The following CCM2 variants were observed in gnomAD, a reference collection of about 807,000 sequenced individuals.
CCM2 encodes cerebral cavernous malformations 2 protein.
CCM2 carries 25 observed loss-of-function variants against 44.9 expected under a neutral mutation model. The observed-to-expected ratio is 0.56, with a 90% CI of 0.41 to 0.78. CCM2 has a LOEUF of 0.78. CCM2 is among the 30% of genes least tolerant of loss of function. The pLI is 0.00. For missense variants in CCM2, 481 were observed against 580.6 expected, an observed-to-expected ratio of 0.83 and a Z score of 1.76; for synonymous variants, 219 against 241.1, an observed-to-expected ratio of 0.91 and a Z score of 0.85.
rs746677393 is a variant in CCM2 at position 45,076,019 on chromosome 7, G to C, written c.1297G>C (p.Glu433Gln). The C allele has an allele frequency of 6.2e-7, 1 of 1,612,942 alleles. No individual in the cohort carries two copies. Among genetic ancestry groups the C allele is most frequent in the African/African-American group, 1.3e-5 (1 of 74,916 alleles). ...GATCTCGGACATCAGCAGCGACATT[G>C]AGGCGCTGGGCTGCAGCATGGACCA... ...RMISDISSDI[E>Q]ALGCSMDQDS... Residue 433 changes from glutamate (E) to glutamine (Q), a missense_variant, in exon 10 of 10, where the codon GAG (glutamate) becomes CAG (glutamine). Transcript: ENST00000258781.
intron 1 of CCM2, among the ~76,000 whole-genome samples, chr7:45,018,624 G>A (rs980141390): frequency 6.6e-6 from 1 of 152,104 alleles, no homozygotes; most frequent in Admixed American, 6.6e-5. Context: ...GCCTCCCAAG[G>A]CGTGAGCCAC....
At chr7:45,058,185 C>A (rs1798352455) in intron 2 of CCM2, among the ~76,000 whole-genome samples, 2 of 152,194 alleles carry the variant, frequency 1.3e-5, no homozygotes, top group Non-Finnish European at 2.9e-5. Context: ...TTGTTTCCTT[C>A]TCTTGCATAA....
At chr7:45,045,190 T>TAGAGCA (rs145831443) in intron 2 of CCM2, among the ~76,000 whole-genome samples, 17,255 of 152,166 alleles carry the variant, frequency 0.11, 1,628 homozygotes, top group African/African-American at 0.25. Flanking sequence ...TGACAGCTGA[T>TAGAGCA]AGAGCAATTT....
intron 2 of CCM2, among the ~76,000 whole-genome samples, chr7:45,060,958 G>A (rs570823951): frequency 1.3e-5 from 2 of 152,190 alleles, no homozygotes; most frequent in South Asian, 2.1e-4. Flanking sequence ...GAACTTAGGC[G>A]TCAGGTTAAT....
chr7:45,033,044 CAAAAAAAAAAAAAAAA>C (rs60956411), intron 1 of CCM2, among the ~76,000 whole-genome samples: 1 of 58,062 alleles, frequency 1.7e-5, no homozygotes, highest in Non-Finnish European at 3.0e-5. Flanking sequence ...AACTCCGTCT[CAAAAAAAAAAAAAAAA>C]AAAAAAAAAA....
In CCM2 at chr7:45,075,943, C is replaced by T. The variant is rs778326011; in HGVS notation, c.1221C>T (p.Gly407=). The change falls in exon 10 of 10, where the codon GGC becomes GGT. Residue 407 remains glycine (G), a synonymous_variant. Transcript: ENST00000258781. ...SSTTNGNRAT[G]SSDDRSAPSE... ...CCACCAATGGGAACAGGGCCACGGG[C>T]AGCTCTGATGACCGGTCGGCACCCT... The T allele has an allele frequency of 1.9e-5, 30 of 1,613,094 alleles. No individual in the cohort carries two copies. The South Asian group carries it at 3.3e-4, about 18-fold the overall frequency.
At chr7:45,069,291 G>A (rs1798938446) in intron 5 of CCM2, among the ~76,000 whole-genome samples, 1 of 152,246 alleles carries the variant, frequency 6.6e-6, no homozygotes, top group Non-Finnish European at 1.5e-5. Flanking sequence ...GTAGGGTGTT[G>A]AGCAGCATCC....
chr7:45,045,200 TCTTTAG>T (rs1340514180), intron 2 of CCM2, among the ~76,000 whole-genome samples: 1 of 146,702 alleles, frequency 6.8e-6, no homozygotes, highest in African/African-American at 2.6e-5. Flanking sequence ...TAGAGCAATT[TCTTTAG>T]AGTAGTTTGT....
At position 45,040,080 on chromosome 7, in the gene CCM2, A is replaced by G. The variant is rs1797411803; in HGVS notation, c.204+1654A>G. 2.0e-5 allele frequency among the ~76,000 whole-genome samples: 3 copies of G among 151,742 alleles called. 1 individual carries two copies. In the South Asian group the frequency reaches 6.2e-4, roughly 32 times the overall value. Reference sequence around the variant, plus strand: ...TATTTATATATCTTTAAAAAATTCAATAGAGGTGTTGAAAGATAAAAGTAA... The same window carrying G: ...TATTTATATATCTTTAAAAAATTCAGTAGAGGTGTTGAAAGATAAAAGTAA... On this transcript the variant is annotated intron_variant, in intron 2 of 9. Transcript: ENST00000258781.
Position 45,046,114 on chromosome 7 carries a change from A to G in CCM2, c.204+7688A>G, listed in dbSNP as rs76452465. Among the ~76,000 whole-genome samples the G allele has an allele frequency of 3.9e-5, 6 of 152,338 alleles. No homozygotes were observed. The East Asian group carries it at 1.2e-3, about 29-fold the overall frequency. ...CACAAACTACTACTACAAGTCATCC[A>G]ATATGAAATAATTTGAATAGCTTGT... On this transcript the variant is annotated intron_variant, in intron 2 of 9. Transcript: ENST00000258781.
At chr7:45,059,666 A>C (rs1361577363) in intron 2 of CCM2, among the ~76,000 whole-genome samples, 1 of 151,986 alleles carries the variant, frequency 6.6e-6, no homozygotes, top group East Asian at 1.9e-4. Context: ...TCAGCCTGGG[A>C]GGTTGAGGCT....
intron 9 of CCM2, among the ~76,000 whole-genome samples, chr7:45,075,331 A>C (rs542419304): frequency 2.0e-5 from 3 of 152,368 alleles, no homozygotes; most frequent in Admixed American, 2.0e-4. Context: ...CATGGCAGGG[A>C]AACTGGACTT....
At chr7:45,016,163 G>T (rs992668775) in intron 1 of CCM2, among the ~76,000 whole-genome samples, 1 of 152,206 alleles carries the variant, frequency 6.6e-6, no homozygotes, top group Non-Finnish European at 1.5e-5. Flanking sequence ...CTTTGGCAGA[G>T]CCTGAAAGGT....
At chr7:45,072,992 T>C in intron 7 of CCM2, 1 of 655,892 alleles carries the variant, frequency 1.5e-6, no homozygotes, top group South Asian at 1.7e-5. Context: ...GTCCCTCTTG[T>C]CTCTCCCTGC....
At chr7:45,011,612 C>T (rs1040271416) in intron 1 of CCM2, among the ~76,000 whole-genome samples, 3 of 151,430 alleles carry the variant, frequency 2.0e-5, no homozygotes, top group Non-Finnish European at 4.4e-5. Flanking sequence ...GGTGCAGTGG[C>T]GTGATCTTGG....
rs777930252 is a variant in CCM2 at position 45,068,555 on chromosome 7, G to T, written c.585G>T (p.Leu195=). 1 of 1,614,076 alleles carries T rather than the reference G, an allele frequency of 6.2e-7. No homozygotes were observed. The highest frequency in any genetic ancestry group is 1.1e-5 in the South Asian group (1 of 91,084). ...SAVGPVEACC[L]VILAAESKVA... The stretch of plus-strand genomic sequence containing the variant: ...TTGGGCCCGTGGAGGCATGCTGCCT[G>T]GTCATCCTGGCTGCAGAGAGCAAGG... The change falls in exon 5 of 10, where the codon CTG becomes CTT. Residue 195 remains leucine (L), a synonymous_variant. Transcript: ENST00000258781.
intron 1 of CCM2, among the ~76,000 whole-genome samples, chr7:45,024,355 C>A (rs1274016810): frequency 6.6e-6 from 1 of 152,110 alleles, no homozygotes; most frequent in East Asian, 1.9e-4. Context: ...TAGTCAAGGC[C>A]CAAGAAACAT....
intron 1 of CCM2, among the ~76,000 whole-genome samples, chr7:45,006,580 G>A (rs1795857167): frequency 1.3e-5 from 2 of 152,098 alleles, no homozygotes; most frequent in Non-Finnish European, 2.9e-5. Context: ...TCCTGACTCC[G>A]TGATCCACCC....
intron 1 of CCM2, among the ~76,000 whole-genome samples, chr7:45,020,590 A>G (rs1796444745): frequency 6.6e-6 from 1 of 152,232 alleles, no homozygotes; most frequent in Admixed American, 6.5e-5. Flanking sequence ...CCGAAAATGC[A>G]CTTGCTGGGA....
Sources: gnomAD v4.1 joint callset for allele counts (sites outside exome capture counted in the v4.1 genomes callset) on GRCh38, gnomAD v4.1.1 for gene constraint, MANE v1.5 for transcripts, NCBI Gene and HGNC (gene_info 2026-07-23, HGNC 2026-07-21) for gene names.